Variants in TAPT1 observed in about 807,000 individuals in gnomAD.
The protein encoded by TAPT1 is transmembrane anterior posterior transformation protein 1 homolog.
TAPT1 carries 28 observed loss-of-function variants against 65.6 expected under a neutral mutation model. The observed-to-expected ratio is 0.43, with a 90% CI of 0.32 to 0.59. The LOEUF (loss-of-function observed/expected upper bound fraction) is 0.59. TAPT1 is among the 20% of genes least tolerant of loss of function. The pLI is 0.09. For missense variants in TAPT1, 563 were observed against 679.9 expected, an observed-to-expected ratio of 0.83 and a Z score of 1.91; for synonymous variants, 278 against 245.2, an observed-to-expected ratio of 1.13 and a Z score of -1.25.
intron 7 of TAPT1, 139 bp from the exon 8 acceptor site, chr4:16,179,796 ATATATATGTG>A (rs1748595940): frequency 2.4e-6 from 1 of 421,348 alleles, no homozygotes; most frequent in African/African-American, 2.4e-5. Flanking sequence ...CTTTATATAT[ATATATATGTG>A]TGTGTGTGTG....
At position 16,205,216 on chromosome 4, in the gene TAPT1, G is replaced by A. The variant is rs548189920; in HGVS notation, c.331-2636C>T. Among the ~76,000 whole-genome samples the A allele has an allele frequency of 3.3e-5, 5 of 152,222 alleles. No homozygotes were observed. In the South Asian group the frequency reaches 8.3e-4, roughly 25 times the overall value. ...TTTGAAATTTCAAAATAAACAAAAT[G>A]TTATGGCTAAAATGAAAGAAGCATA... On this transcript the variant is annotated intron_variant, in intron 2 of 13. Coordinates refer to ENST00000405303, the MANE Select transcript of TAPT1 (RefSeq NM_153365.3).
At chr4:16,201,739 G>A (rs1459209178) in intron 3 of TAPT1, among the ~76,000 whole-genome samples, 2 of 151,986 alleles carry the variant, frequency 1.3e-5, no homozygotes, top group African/African-American at 2.4e-5. Context: ...GGTCTACTAT[G>A]AGCCAGGTAC....
intron 9 of TAPT1, among the ~76,000 whole-genome samples, chr4:16,175,486 G>C (rs906809508): frequency 3.3e-5 from 5 of 152,116 alleles, no homozygotes; most frequent in African/African-American, 1.2e-4. Context: ...GTTATTAAAA[G>C]TACTACCCAG....
At chr4:16,225,162 T>A (rs1311077703) in intron 1 of TAPT1, among the ~76,000 whole-genome samples, 2 of 152,172 alleles carry the variant, frequency 1.3e-5, no homozygotes, top group African/African-American at 4.8e-5. Flanking sequence ...CAAGACCGTC[T>A]GTAATTTTCC....
chr4:16,208,754 T>C (rs1750485009), intron 2 of TAPT1, among the ~76,000 whole-genome samples: 1 of 152,252 alleles, frequency 6.6e-6, no homozygotes, highest in South Asian at 2.1e-4. Flanking sequence ...GTTAGCCAGC[T>C]TTTCCATTCT....
At chr4:16,167,352 A>G (rs765296748) in intron 12 of TAPT1, among the ~76,000 whole-genome samples, 6 of 152,306 alleles carry the variant, frequency 3.9e-5, no homozygotes, top group Non-Finnish European at 7.4e-5. Context: ...TAAATATTAT[A>G]ACATTTATTC....
chr4:16,206,946 A>G (rs1321935325), intron 2 of TAPT1, among the ~76,000 whole-genome samples: 2 of 152,196 alleles, frequency 1.3e-5, no homozygotes, highest in African/African-American at 4.8e-5. Flanking sequence ...ATGGTAAGAC[A>G]GTTGCAGAAA....
intron 7 of TAPT1, among the ~76,000 whole-genome samples, chr4:16,185,474 T>G (rs1748956309): frequency 6.6e-6 from 1 of 151,830 alleles, no homozygotes; most frequent in Non-Finnish European, 1.5e-5. Flanking sequence ...GTTCAAGCAA[T>G]TCTCCTGCCT....
chr4:16,191,031 G>A, intron 4 of TAPT1: 1 of 216,704 alleles, frequency 4.6e-6, no homozygotes. Context: ...ATACTCAAGG[G>A]GGTACTGGTT....
rs1265664823 is a variant in TAPT1, at chr4:16,174,681, G to A, written c.1156C>T (p.Arg386Ter). 2 of 1,591,446 alleles carry A rather than the reference G, an allele frequency of 1.3e-6. No individual in the cohort carries two copies. Among genetic ancestry groups the A allele is most frequent in the Non-Finnish European group, 8.6e-7 (1 of 1,168,430 alleles). Residue 386 changes from arginine (R) to a stop codon, truncating the protein, a stop_gained, in exon 10 of 14, where the codon CGA becomes TGA. Coordinates refer to ENST00000405303, the MANE Select transcript of TAPT1 (RefSeq NM_153365.3). LOFTEE classifies it high-confidence loss of function. ...ASLAFDLVSSRQKNAYTDYSD... is the reference protein window; with the variant it reads ...ASLAFDLVSS Reference sequence around the variant, plus strand: ...TGATAAATGCTCACATTTTTCTGTCGGCTGCTAACAAGGTCAAAAGCAAGA... The same window carrying A: ...TGATAAATGCTCACATTTTTCTGTCAGCTGCTAACAAGGTCAAAAGCAAGA...
At chr4:16,173,076 A>G (rs1671689349) in intron 11 of TAPT1, among the ~76,000 whole-genome samples, 1 of 152,132 alleles carries the variant, frequency 6.6e-6, no homozygotes, top group Non-Finnish European at 1.5e-5. Context: ...CACCTGCCTT[A>G]GCTTCCCAAA....
chr4:16,186,788 G>T lies in TAPT1; in HGVS notation c.839C>A (p.Ser280Tyr). Residue 280 changes from serine (S) to tyrosine (Y), a missense_variant, in exon 6 of 14, where the codon TCT (serine) becomes TAT (tyrosine). Physicochemically the swap from Ser to Tyr is moderately radical, Grantham distance 144. This residue lies in a region of TAPT1 where 217 missense variants were observed against 317.5 expected (regional missense o/e 0.68). Coordinates refer to ENST00000405303, the MANE Select transcript of TAPT1 (RefSeq NM_153365.3). ...HNKSLLTIMM[S>Y]NNFVEIKGSV... The stretch of plus-strand genomic sequence containing the variant: ...GATAAATCTCATACTTACATTATTA[G>T]ACATCATGATAGTAAGCAAAGACTT... 1 of 1,590,350 alleles carries T rather than the reference G, an allele frequency of 6.3e-7. No individual in the cohort carries two copies. The highest frequency in any genetic ancestry group is 1.1e-5 in the South Asian group (1 of 90,308).
At chr4:16,208,915 G>A (rs1750497516) in intron 2 of TAPT1, among the ~76,000 whole-genome samples, 1 of 152,158 alleles carries the variant, frequency 6.6e-6, no homozygotes, top group African/African-American at 2.4e-5. Flanking sequence ...CCAGGCTGGA[G>A]TACAGTTGCA....
chr4:16,166,127 T>C (rs778362480), intron 13 of TAPT1, among the ~76,000 whole-genome samples: 1 of 152,188 alleles, frequency 6.6e-6, no homozygotes, highest in Non-Finnish European at 1.5e-5. Context: ...TTGGTGCCTT[T>C]GCTGGGCCTG....
At chr4:16,179,261 A>G in intron 8 of TAPT1, 1 of 232,184 alleles carries the variant, frequency 4.3e-6, no homozygotes, top group Non-Finnish European at 8.3e-6. Context: ...GCACGTTACC[A>G]TACTGAATAC....
At position 16,213,844 on chromosome 4, in the gene TAPT1, T is replaced by C; in HGVS notation, c.254A>G (p.Glu85Gly). The change falls in exon 2 of 14, where the codon GAA becomes GGA. Residue 85 changes from glutamate to glycine, a missense_variant. Transcript: ENST00000405303. ...TTCTGTATACTTGGCCTCATTATGT[T>C]CAAGGAAGTACCCTCTTGTTAGTTC... is the stretch of plus-strand genomic sequence containing the variant. Reference protein sequence around the residue: ...SAELTRGYFLEHNEAKYTERR... With the variant: ...SAELTRGYFLGHNEAKYTERR... The C allele has an allele frequency of 1.2e-6, 2 of 1,610,900 alleles. No individual in the cohort carries two copies. The highest frequency in any genetic ancestry group is 1.7e-6 in the Non-Finnish European group (2 of 1,179,106).
chr4:16,191,338 T>C (rs1225598385), intron 4 of TAPT1, 23 bp downstream of exon 4: 1 of 1,585,750 alleles, frequency 6.3e-7, no homozygotes. Flanking sequence ...GCCAGGCCTG[T>C]GCGGGGTAAG....
chr4:16,227,209 G>C (rs1346302935), upstream of TAPT1: 6 of 455,434 alleles, frequency 1.3e-5, no homozygotes, highest in Non-Finnish European at 2.6e-5. Flanking sequence ...GCCGCGGCCG[G>C]ACCGGCAGAG....
rs35367114 is a variant in TAPT1, at chr4:16,188,596, A to G, written c.613-241T>C. 0.038 allele frequency among the ~76,000 whole-genome samples: 5,764 copies of G among 152,272 alleles called. 164 individuals carry two copies. The highest frequency in any genetic ancestry group is 0.055 in the Non-Finnish European group (3,740 of 67,998). ...CTAATTAGCTATGTTTGTAACAAAGAAAGTCTTAAATAGTGGCAAAAATAA... is the reference window on the plus strand; with the variant it reads ...CTAATTAGCTATGTTTGTAACAAAGGAAGTCTTAAATAGTGGCAAAAATAA... On this transcript the variant is annotated intron_variant, in intron 4 of 13. Transcript: ENST00000405303.
Sources: gnomAD v4.1 joint callset for allele counts (sites outside exome capture counted in the v4.1 genomes callset) on GRCh38, gnomAD v4.1.1 for gene constraint, gnomAD v4.1.1 regional missense constraint, MANE v1.5 for transcripts, NCBI Gene and HGNC (gene_info 2026-07-23, HGNC 2026-07-21) for gene names.